Variants in MYBL2 observed in about 807,000 individuals in gnomAD.
MYBL2 encodes myb-related protein B.
MYBL2 carries 28 observed loss-of-function variants against 79.9 expected under a neutral mutation model. That is an observed-to-expected ratio of 0.35 (90% CI 0.26 to 0.48). MYBL2 has a LOEUF of 0.48. Ranked by LOEUF, MYBL2 falls within the 20% of genes least tolerant of loss-of-function variation. The pLI, the probability that MYBL2 is intolerant of heterozygous loss-of-function variation, is 0.99. For missense variants in MYBL2, 735 were observed against 893.9 expected (o/e 0.82, Z 2.27); for synonymous variants, 378 against 361.2 (o/e 1.05, Z -0.53).
At chr20:43,711,337 G>T (rs1212836395) in intron 10 of MYBL2, 151 bp from the exon 11 acceptor site, 4 of 598,630 alleles carry the variant, frequency 6.7e-6, no homozygotes, top group Non-Finnish European at 1.2e-5. Context: ...TAGTGGTTGT[G>T]AATGGTGCGT....
At chr20:43,702,937 C>T (rs202064283) in intron 8 of MYBL2, 34 bp downstream of exon 8, 19 of 1,558,510 alleles carry the variant, frequency 1.2e-5, no homozygotes, top group South Asian at 2.4e-5. Context: ...CTTATTGGGT[C>T]GGTACAGACA....
intron 9 of MYBL2, 44 bp from the exon 10 acceptor site, chr20:43,709,919 G>C (rs6073181): frequency 6.7e-7 from 1 of 1,492,238 alleles, no homozygotes; most frequent in Non-Finnish European, 9.2e-7. Context: ...GCCTGGCGTC[G>C]GCCCCTATCC....
At chr20:43,684,112 A>G (rs1162236977) in intron 4 of MYBL2, among the ~76,000 whole-genome samples, 2 of 151,960 alleles carry the variant, frequency 1.3e-5, no homozygotes, top group Non-Finnish European at 2.9e-5. Flanking sequence ...AAATTTTTGT[A>G]GAGAGAGTAT....
intron 5 of MYBL2, among the ~76,000 whole-genome samples, chr20:43,690,131 T>G (rs1040242891): frequency 3.3e-5 from 5 of 151,870 alleles, no homozygotes; most frequent in African/African-American, 1.2e-4. Context: ...AGGGCGCATG[T>G]GTACATGGGT....
intron 6 of MYBL2, among the ~76,000 whole-genome samples, chr20:43,696,639 C>G (rs1426041984): frequency 6.6e-6 from 1 of 152,306 alleles, no homozygotes; most frequent in Non-Finnish European, 1.5e-5. Context: ...CTTATTTAAC[C>G]ATTATATTGT....
At position 43,699,942 on chromosome 20, in the gene MYBL2, A is replaced by G. The variant is rs2145727162; in HGVS notation, c.849A>G (p.Pro283=). ...FPKREDQEGS[P]PETSLPYKWV... Reference sequence around the variant, plus strand: ...AGCGTGAGGACCAGGAAGGCTCCCCACCAGAAACGAGCCTGCCTTACAAGT... The same window carrying G: ...AGCGTGAGGACCAGGAAGGCTCCCCGCCAGAAACGAGCCTGCCTTACAAGT... The change falls in exon 7 of 14, where the codon CCA becomes CCG. Residue 283 remains proline, a synonymous_variant. Transcript: ENST00000217026. The G allele has an allele frequency of 6.2e-7, 1 of 1,614,094 alleles. No homozygotes were observed. Among genetic ancestry groups the G allele is most frequent in the Non-Finnish European group, 8.5e-7 (1 of 1,180,010 alleles).
At chr20:43,670,171 A>G (rs1298625769) in intron 1 of MYBL2, among the ~76,000 whole-genome samples, 2 of 152,218 alleles carry the variant, frequency 1.3e-5, no homozygotes, top group African/African-American at 4.8e-5. Context: ...ACATCATTTC[A>G]TCCTTGAAAG....
chr20:43,691,311 A>C (rs1987400914), intron 5 of MYBL2, among the ~76,000 whole-genome samples: 1 of 152,040 alleles, frequency 6.6e-6, no homozygotes, highest in African/African-American at 2.4e-5. Flanking sequence ...AAAAATTTAA[A>C]ATTTTTTTTT....
intron 6 of MYBL2, among the ~76,000 whole-genome samples, 188 bp downstream of exon 6, chr20:43,692,507 C>T (rs576157424): frequency 5.1e-4 from 78 of 152,312 alleles, no homozygotes; most frequent in African/African-American, 1.6e-3. Flanking sequence ...TGAAGGATAG[C>T]AGAGCAAGCT....
In MYBL2 at chr20:43,687,077, G is replaced by A. The variant is rs1987294592; in HGVS notation, c.500+5G>A. The A allele has an allele frequency of 2.5e-6, 4 of 1,611,718 alleles. No individual in the cohort carries two copies. The highest frequency in any genetic ancestry group is 1.7e-5 in the Admixed American group (1 of 59,976). ...CGCCAAGATGTTGCCAGGGAGGTAA[G>A]CTGTCTTCTTGGGGGTTGGGACAGG... On this transcript the variant is annotated splice_donor_5th_base_variant and intron_variant, in intron 5 of 13. Transcript: ENST00000217026.
In MYBL2 at chr20:43,702,610, C is replaced by T. The variant is rs1358783677; in HGVS notation, c.1072C>T (p.Pro358Ser). ...QASHQQQVLPPRQPSALVPSV... is the reference protein window; with the variant it reads ...QASHQQQVLPSRQPSALVPSV... ...GTCACATCAGCAGCAAGTCCTGCCA[C>T]CCCGCCAGCCTTCCGCCCTGGTGCC... is the stretch of plus-strand genomic sequence containing the variant. The change falls in exon 8 of 14, where the codon CCC becomes TCC. Residue 358 changes from proline (P) to serine (S), a missense_variant. Transcript: ENST00000217026. The T allele has an allele frequency of 1.9e-6, 3 of 1,614,192 alleles. No individual in the cohort carries two copies. In the Admixed American group the frequency reaches 5.0e-5, roughly 27 times the overall value.
In MYBL2 at chr20:43,702,636, C is replaced by T; in HGVS notation, c.1098C>T (p.Pro366=). The T allele has an allele frequency of 6.2e-7, 1 of 1,614,098 alleles. No individual in the cohort carries two copies. The highest frequency in any genetic ancestry group is 1.3e-5 in the African/African-American group (1 of 75,052). The change falls in exon 8 of 14, where the codon CCC becomes CCT. Residue 366 remains proline, a synonymous_variant. Coordinates refer to ENST00000217026, the MANE Select transcript of MYBL2 (RefSeq NM_002466.4). ...LPPRQPSALV[P]SVTEYRLDGH... is the part of the protein sequence containing the mutation. ...CCCGCCAGCCTTCCGCCCTGGTGCC[C>T]AGTGTGACCGAGTACCGCCTGGATG...
At chr20:43,684,844 A>G (rs1349494767) in intron 4 of MYBL2, among the ~76,000 whole-genome samples, 1 of 149,508 alleles carries the variant, frequency 6.7e-6, no homozygotes, top group African/African-American at 2.5e-5. Flanking sequence ...CTCTTAAAAA[A>G]AAAAAAACAC....
rs71193702 is a variant in MYBL2, at chr20:43,706,719, G to GTTTTTTTTTTT, written c.1505+1365_1505+1375dup. On this transcript the variant is annotated intron_variant, in intron 9 of 13. Transcript: ENST00000217026. The stretch of plus-strand genomic sequence containing the variant: ...CTGTCTGTACACAAAAAAAAAAAAA[G>GTTTTTTTTTTT]TTTTTTTTTTTTTTGAGATGGAGTC... Among the ~76,000 whole-genome samples, 128 of 70,776 alleles carry GTTTTTTTTTTT rather than the reference G, an allele frequency of 1.8e-3. 19 individuals are homozygous for GTTTTTTTTTTT. Among genetic ancestry groups the GTTTTTTTTTTT allele is most frequent in the African/African-American group, 6.6e-3 (111 of 16,762 alleles). 46.4% of individuals were successfully genotyped at this position (70,776 alleles called of 152,430 possible).
intron 5 of MYBL2, among the ~76,000 whole-genome samples, chr20:43,689,219 T>C (rs1987350354): frequency 6.6e-6 from 1 of 152,222 alleles, no homozygotes. Flanking sequence ...TTGAATCCCT[T>C]TTTTTGTCAT....
At chr20:43,682,996 G>C in intron 4 of MYBL2, 110 bp downstream of exon 4, 1 of 1,005,500 alleles carries the variant, frequency 9.9e-7, no homozygotes, top group Non-Finnish European at 1.6e-6. Flanking sequence ...TGAGCATTGG[G>C]TGTGAGTTGT....
intron 10 of MYBL2, among the ~76,000 whole-genome samples, chr20:43,710,350 C>CAA (rs1987878081): frequency 6.6e-6 from 1 of 152,182 alleles, no homozygotes; most frequent in African/African-American, 2.4e-5. Flanking sequence ...ATGTGAAATA[C>CAA]AAATAACTTA....
At chr20:43,715,307 G>A (rs1988005369) in intron 13 of MYBL2, 24 bp downstream of exon 13, 1 of 1,613,580 alleles carries the variant, frequency 6.2e-7, no homozygotes. Flanking sequence ...CCATCTCTGG[G>A]GGTCCTGCAG....
chr20:43,685,694 G>T (rs1392400967), intron 4 of MYBL2, among the ~76,000 whole-genome samples: 1 of 152,038 alleles, frequency 6.6e-6, no homozygotes, highest in African/African-American at 2.4e-5. Flanking sequence ...GACGGAGGTT[G>T]CAGTGAGCTG....
Sources: gnomAD v4.1 joint callset for allele counts (sites outside exome capture counted in the v4.1 genomes callset) on GRCh38, gnomAD v4.1.1 for gene constraint, MANE v1.5 for transcripts, NCBI Gene and HGNC (gene_info 2026-07-23, HGNC 2026-07-21) for gene names.